The following DMXL1 variants were observed in gnomAD, a reference collection of about 807,000 sequenced individuals.
The protein encoded by DMXL1 is dmX-like protein 1.
In DMXL1, 99 loss-of-function variants were observed where a neutral mutation model predicts 319.2. The ratio of observed to expected loss-of-function variants is 0.31; its 90% CI spans 0.26 to 0.37. The LOEUF (loss-of-function observed/expected upper bound fraction) is 0.37, where lower values mean the gene tolerates loss of function less well. DMXL1 is among the 10% of genes least tolerant of loss of function. The pLI is 1.00. For synonymous variants in DMXL1, 1,385 were observed against 1,235.2 expected, an observed-to-expected ratio of 1.12 and a Z score of -2.54; for missense variants, 3,745 against 3,595.6, an observed-to-expected ratio of 1.04 and a Z score of -1.06.
intron 35 of DMXL1, among the ~76,000 whole-genome samples, chr5:119,218,739 G>A (rs567159357): frequency 2.0e-5 from 3 of 152,296 alleles, no homozygotes; most frequent in Admixed American, 6.5e-5. Flanking sequence ...GATTACAGGC[G>A]TGAGCCACTG....
In DMXL1 at chr5:119,188,184, A is replaced by C. The variant is rs192486853; in HGVS notation, c.7136-1524A>C. 7.6e-4 allele frequency among the ~76,000 whole-genome samples: 115 copies of C among 152,294 alleles called. 3 individuals carry two copies. The East Asian group carries it at 0.017, about 23-fold the overall frequency. On this transcript the variant is annotated intron_variant, in intron 28 of 43. Coordinates refer to ENST00000539542, the MANE Select transcript of DMXL1 (RefSeq NM_001290321.3). Reference sequence around the variant, plus strand: ...AGAAAACTATTTTTATGACATACTAATCTTGGCAAAAATCTATTAATTTAA... The same window carrying C: ...AGAAAACTATTTTTATGACATACTACTCTTGGCAAAAATCTATTAATTTAA...
At position 119,193,908 on chromosome 5, in the gene DMXL1, T is replaced by A. The variant is rs376880857; in HGVS notation, c.7395T>A (p.Asp2465Glu). The A allele has an allele frequency of 6.2e-7, 1 of 1,612,536 alleles. No individual in the cohort carries two copies. Among genetic ancestry groups the A allele is most frequent in the East Asian group, 2.2e-5 (1 of 44,720 alleles). ...GAAGTGATGATGATGACAATGATGA[T>A]GATGATGATGTTTTAGCATCAGATT... Reference protein sequence around the residue: ...SLGSDDDDNDDDDDVLASDFH... With the variant: ...SLGSDDDDNDEDDDVLASDFH... The change falls in exon 30 of 44, where the codon GAT becomes GAA. Residue 2465 changes from aspartate (D) to glutamate (E), a missense_variant. Coordinates refer to ENST00000539542, the MANE Select transcript of DMXL1 (RefSeq NM_001290321.3).
rs751770861 is a variant in DMXL1 at position 119,196,358 on chromosome 5, G to C, written c.7458-13G>C. Reference sequence around the variant, plus strand: ...AGAAATAGTTAACAGATCCATCGTTGCTTTATTTTTAGTTGGTCCTTGATG... The same window carrying C: ...AGAAATAGTTAACAGATCCATCGTTCCTTTATTTTTAGTTGGTCCTTGATG... On this transcript the variant is annotated splice_polypyrimidine_tract_variant and intron_variant, in intron 30 of 43. Coordinates refer to ENST00000539542, the MANE Select transcript of DMXL1 (RefSeq NM_001290321.3). 3 of 1,607,982 alleles carry C rather than the reference G, an allele frequency of 1.9e-6. No homozygotes were observed. The Admixed American group carries it at 5.0e-5, about 27-fold the overall frequency.
At chr5:119,241,778 T>A (rs762479114) in intron 42 of DMXL1, among the ~76,000 whole-genome samples, 1 of 152,118 alleles carries the variant, frequency 6.6e-6, no homozygotes, top group Non-Finnish European at 1.5e-5. Context: ...CCACAGGAGA[T>A]CACTTTTCAC....
At chr5:119,151,790 A>G (rs1769856613) in intron 18 of DMXL1, 139 bp from the exon 19 acceptor site, 1 of 480,594 alleles carries the variant, frequency 2.1e-6, no homozygotes, top group Non-Finnish European at 3.7e-6. Flanking sequence ...AATTCTGTAG[A>G]AAAAGATAAA....
intron 33 of DMXL1, among the ~76,000 whole-genome samples, chr5:119,204,416 G>A (rs1781400494): frequency 1.3e-5 from 2 of 152,180 alleles, no homozygotes; most frequent in Admixed American, 1.3e-4. Context: ...TGAGATTACA[G>A]GCTTGAGCCA....
intron 42 of DMXL1, 143 bp from the exon 43 acceptor site, chr5:119,244,216 C>G (rs528747075): frequency 1.5e-6 from 1 of 661,478 alleles, no homozygotes; most frequent in East Asian, 2.7e-5. Context: ...TGTCTGAAAT[C>G]ATTGGTTTTT....
Position 119,233,421 on chromosome 5 carries a change from G to A in DMXL1, c.8420G>A (p.Gly2807Asp). ...CAAATAACCTGTTTTCGATCTGGTG[G>A]CAATTCAAGAGTTACAAGAATGAGA... The part of the protein sequence containing the change: ...SQQITCFRSG[G>D]NSRVTRMRFN... Residue 2807 changes from glycine to aspartate, a missense_variant, in exon 39 of 44, where the codon GGC (glycine) becomes GAC (aspartate). By Grantham distance (94) the Gly-to-Asp change is moderately conservative. Coordinates refer to ENST00000539542, the MANE Select transcript of DMXL1 (RefSeq NM_001290321.3). 1 of 1,612,310 alleles carries A rather than the reference G, an allele frequency of 6.2e-7. No individual in the cohort carries two copies. The highest frequency in any genetic ancestry group is 8.5e-7 in the Non-Finnish European group (1 of 1,178,698).
intron 33 of DMXL1, 73 bp from the exon 34 acceptor site, chr5:119,206,761 A>G (rs1781818670): frequency 3.3e-6 from 3 of 903,268 alleles, no homozygotes; most frequent in Non-Finnish European, 5.0e-6. Context: ...ATAGCATTGA[A>G]ACAATCCCCA....
intron 1 of DMXL1, among the ~76,000 whole-genome samples, chr5:119,096,883 A>C (rs1756092452): frequency 6.6e-6 from 1 of 152,254 alleles, no homozygotes; most frequent in South Asian, 2.1e-4. Flanking sequence ...TTGTGTTAGA[A>C]TTGAGGACTA....
intron 35 of DMXL1, among the ~76,000 whole-genome samples, chr5:119,218,164 G>C (rs1294692737): frequency 1.3e-5 from 2 of 152,030 alleles, no homozygotes; most frequent in East Asian, 3.9e-4. Context: ...ATCACTAGAG[G>C]CCAGGAGTTT....
At chr5:119,206,118 C>T (rs922099191) in intron 33 of DMXL1, among the ~76,000 whole-genome samples, 3 of 151,910 alleles carry the variant, frequency 2.0e-5, no homozygotes, top group African/African-American at 7.2e-5. Context: ...ATAGAATGTC[C>T]TCCCTTTGTA....
Position 119,149,614 on chromosome 5 carries a change from A to G in DMXL1, c.3787A>G (p.Thr1263Ala). ...DSYSGSTPSI[T>A]SLIKQSNSSS... ...GTACAGTGGGAGCACTCCATCTATAACAAGTTTAATAAAACAGAGTAACTC... is the reference window on the plus strand; with the variant it reads ...GTACAGTGGGAGCACTCCATCTATAGCAAGTTTAATAAAACAGAGTAACTC... Residue 1263 changes from threonine to alanine, a missense_variant, in exon 18 of 44, where the codon ACA (threonine) becomes GCA (alanine). Physicochemically the swap from Thr to Ala is moderately conservative, Grantham distance 58. Around this residue, in one of 4 missense-constraint regions of DMXL1, gnomAD observed 2,096 missense variants for 1,985.4 expected, o/e 1.06. Coordinates refer to ENST00000539542, the MANE Select transcript of DMXL1 (RefSeq NM_001290321.3). The G allele has an allele frequency of 1.2e-6, 2 of 1,613,944 alleles. No homozygotes were observed. Among genetic ancestry groups the G allele is most frequent in the South Asian group, 1.1e-5 (1 of 91,076 alleles).
chr5:119,244,239 A>AT, intron 42 of DMXL1, 120 bp from the exon 43 acceptor site: 2 of 723,896 alleles, frequency 2.8e-6, no homozygotes, highest in East Asian at 5.4e-5. Context: ...ATTTCATTTG[A>AT]TTTTTTAATT....
rs1561549898 is a variant in DMXL1 at position 119,089,299 on chromosome 5, T to TGCA, written c.88-8680_88-8679insGCA. ...ATACATATATATATATATATTTTTTTTTTTTTTTTTTTTTTTTTTTTTTTG... is the reference window on the plus strand; with the variant it reads ...ATACATATATATATATATATTTTTTTGCATTTTTTTTTTTTTTTTTTTTTTTTG... On this transcript the variant is annotated intron_variant, in intron 1 of 43. Coordinates refer to ENST00000539542, the MANE Select transcript of DMXL1 (RefSeq NM_001290321.3). Among the ~76,000 whole-genome samples, 170 of 84,698 alleles carry TGCA rather than the reference T, an allele frequency of 2.0e-3. 2 individuals are homozygous for TGCA. Among genetic ancestry groups the TGCA allele is most frequent in the African/African-American group, 7.6e-3 (165 of 21,802 alleles). 55.6% of individuals were successfully genotyped at this position (84,698 alleles called of 152,430 possible). A position where few individuals can be genotyped will look rare whatever the true frequency, so the allele number is the denominator to read the frequency against.
chr5:119,172,845 T>G (rs1774863493), intron 25 of DMXL1, among the ~76,000 whole-genome samples: 1 of 152,158 alleles, frequency 6.6e-6, no homozygotes, highest in African/African-American at 2.4e-5. Context: ...AATTTTACCC[T>G]CTTTAGTTAC....
intron 39 of DMXL1, chr5:119,236,362 T>A (rs1256054570): frequency 6.6e-6 from 1 of 152,066 alleles, no homozygotes; most frequent in Non-Finnish European, 1.5e-5. Context: ...ATGTCTATCC[T>A]ACATAATTAT....
chr5:119,199,469 C>T (rs1392212283), intron 32 of DMXL1, among the ~76,000 whole-genome samples: 1 of 152,160 alleles, frequency 6.6e-6, no homozygotes, highest in Non-Finnish European at 1.5e-5. Context: ...CAGTCTGTCA[C>T]TGATGAGCGT....
chr5:119,160,187 C>T (rs1360108407), intron 19 of DMXL1, among the ~76,000 whole-genome samples: 1 of 152,026 alleles, frequency 6.6e-6, no homozygotes, highest in African/African-American at 2.4e-5. Context: ...AATTTTCTCT[C>T]TTAGAAATGG....
Sources: allele counts gnomAD v4.1 joint callset (sites outside exome capture counted in the v4.1 genomes callset), GRCh38; gene constraint gnomAD v4.1.1; regional missense constraint gnomAD v4.1.1; transcripts MANE v1.5; gene names NCBI Gene and HGNC (gene_info 2026-07-23, HGNC 2026-07-21).